The following SEPTIN7 variants were observed in gnomAD, a reference collection of about 807,000 sequenced individuals.
SEPTIN7 encodes the protein septin-7.
Under a neutral mutation model 63.3 loss-of-function variants are expected in SEPTIN7, and 10 were observed. The ratio of observed to expected loss-of-function variants is 0.16; its 90% CI spans 0.10 to 0.27. The LOEUF is 0.27. Ranked by LOEUF, SEPTIN7 falls within the 10% of genes least tolerant of loss-of-function variation. SEPTIN7 has a pLI of 1.00. For missense variants in SEPTIN7, 310 were observed against 521.0 expected (o/e 0.59, Z 3.94); for synonymous variants, 131 against 165.3 (o/e 0.79, Z 1.59).
chr7:35,887,030 C>G (rs184917524), intron 10 of SEPTIN7, among the ~76,000 whole-genome samples: 1 of 152,166 alleles, frequency 6.6e-6, no homozygotes, highest in East Asian at 1.9e-4. Flanking sequence ...AGCAAAAGCA[C>G]GAGAAGGTCA....
intron 1 of SEPTIN7, among the ~76,000 whole-genome samples, chr7:35,829,128 CT>C (rs71553032): frequency 0.017 from 1,068 of 61,038 alleles, 3 homozygotes; most frequent in African/African-American, 0.061. Context: ...CATGGACCTT[CT>C]TTTTTTTTTT....
At chr7:35,866,762 T>C (rs1459700019) in intron 4 of SEPTIN7, among the ~76,000 whole-genome samples, 1 of 152,152 alleles carries the variant, frequency 6.6e-6, no homozygotes, top group Non-Finnish European at 1.5e-5. Context: ...TAACCTCTTA[T>C]CTTGGACCTC....
At chr7:35,834,483 C>A (rs1783984839) in intron 3 of SEPTIN7, among the ~76,000 whole-genome samples, 2 of 151,716 alleles carry the variant, frequency 1.3e-5, no homozygotes, top group Non-Finnish European at 2.9e-5. Context: ...CTAATTAATC[C>A]CTTTGTGAAA....
intron 3 of SEPTIN7, among the ~76,000 whole-genome samples, chr7:35,833,881 A>G (rs1334857657): frequency 6.6e-6 from 1 of 152,042 alleles, no homozygotes; most frequent in African/African-American, 2.4e-5. Context: ...ACTGACTGCA[A>G]TATTTTACCT....
the SEPTIN7 span, among the ~76,000 whole-genome samples, chr7:35,912,854 C>A: frequency 5.3e-5 from 8 of 152,246 alleles, no homozygotes; most frequent in Non-Finnish European, 1.5e-5. Context: ...TGCAGAAATT[C>A]ATTGAATTGC....
intron 3 of SEPTIN7, among the ~76,000 whole-genome samples, chr7:35,834,419 T>A (rs1438381752): frequency 6.6e-6 from 1 of 152,050 alleles, no homozygotes; most frequent in Non-Finnish European, 1.5e-5. Flanking sequence ...TCATCTGATT[T>A]TGATTTTTAG....
chr7:35,910,090 T>C (rs1402927587), downstream of SEPTIN7, among the ~76,000 whole-genome samples: 1 of 152,204 alleles, frequency 6.6e-6, no homozygotes, highest in African/African-American at 2.4e-5. Flanking sequence ...TTGAGTGGCC[T>C]TGTGACATGG....
At chr7:35,890,070 C>T (rs1647607344) in intron 10 of SEPTIN7, among the ~76,000 whole-genome samples, 1 of 152,104 alleles carries the variant, frequency 6.6e-6, no homozygotes, top group African/African-American at 2.4e-5. Context: ...ATAATGATGA[C>T]ATCATCTCAT....
At chr7:35,911,372 T>C (rs1788736891), downstream of SEPTIN7, among the ~76,000 whole-genome samples, 1 of 152,230 alleles carries the variant, frequency 6.6e-6, no homozygotes, top group Admixed American at 6.5e-5. Context: ...GTATTTACCA[T>C]AACAAATCTG....
At chr7:35,827,022 A>G (rs1320063725) in intron 1 of SEPTIN7, among the ~76,000 whole-genome samples, 1 of 152,206 alleles carries the variant, frequency 6.6e-6, no homozygotes, top group Non-Finnish European at 1.5e-5. Context: ...GAACTAAGTT[A>G]CCGGATATTG....
At position 35,873,612 on chromosome 7, in the gene SEPTIN7, A is replaced by C. The variant is rs888951303; in HGVS notation, c.378-29A>C. The C allele has an allele frequency of 1.9e-6, 3 of 1,591,906 alleles. 1 individual carries two copies. The highest frequency in any genetic ancestry group is 2.6e-6 in the Non-Finnish European group (3 of 1,168,180). On this transcript the variant is annotated intron_variant, in intron 5 of 13. Coordinates refer to ENST00000350320, the MANE Select transcript of SEPTIN7 (RefSeq NM_001788.6). ...TCAGTTAATTCATATGTAGAATTGC[A>C]GCTTGTTTTGTTTATTTGCGTTCTA...
At chr7:35,899,724 A>C (rs1788194003) in intron 12 of SEPTIN7, 1 of 152,038 alleles carries the variant, frequency 6.6e-6, no homozygotes, top group Non-Finnish European at 1.5e-5. Context: ...CCCTATAAAA[A>C]ATTTTTAAAA....
chr7:35,849,485 T>G (rs1784850108), intron 3 of SEPTIN7, among the ~76,000 whole-genome samples: 1 of 152,158 alleles, frequency 6.6e-6, no homozygotes, highest in African/African-American at 2.4e-5. Context: ...GCAGTAGTGT[T>G]CACTACCACT....
intron 3 of SEPTIN7, among the ~76,000 whole-genome samples, chr7:35,848,629 A>G (rs1189892574): frequency 1.3e-5 from 2 of 152,164 alleles, no homozygotes; most frequent in East Asian, 1.9e-4. Flanking sequence ...GTCAATTTCA[A>G]CTGTTTTCAG....
chr7:35,843,764 A>G (rs966215938), intron 3 of SEPTIN7, among the ~76,000 whole-genome samples: 3 of 152,192 alleles, frequency 2.0e-5, no homozygotes, highest in South Asian at 4.1e-4. Context: ...ATGTCCCCCA[A>G]ATTTACTAAC....
At chr7:35,851,142 T>C (rs993780741) in intron 3 of SEPTIN7, among the ~76,000 whole-genome samples, 9 of 152,150 alleles carry the variant, frequency 5.9e-5, no homozygotes, top group Non-Finnish European at 1.3e-4. Flanking sequence ...AGTGATAGAA[T>C]ATGTGGCTTT....
At chr7:35,882,303 A>AT (rs1206934123) in intron 7 of SEPTIN7, among the ~76,000 whole-genome samples, 181 bp from the exon 8 acceptor site, 2 of 94,676 alleles carry the variant, frequency 2.1e-5, no homozygotes, top group Non-Finnish European at 4.9e-5. Context: ...CTTCATAGTT[A>AT]AAAAAAAAAA....
intron 1 of SEPTIN7, among the ~76,000 whole-genome samples, chr7:35,828,590 G>C (rs928371728): frequency 3.9e-5 from 6 of 152,142 alleles, no homozygotes; most frequent in Non-Finnish European, 1.5e-5. Flanking sequence ...TGTTGGCCAA[G>C]ATGTTCTCGA....
chr7:35,890,335 A>C (rs563888292), intron 10 of SEPTIN7, among the ~76,000 whole-genome samples: 1 of 152,138 alleles, frequency 6.6e-6, no homozygotes, highest in South Asian at 2.1e-4. Context: ...GTAGTGGCCA[A>C]TCTGCACTCT....
Sources: allele counts gnomAD v4.1 joint callset (sites outside exome capture counted in the v4.1 genomes callset), GRCh38; gene constraint gnomAD v4.1.1; transcripts MANE v1.5; gene names NCBI Gene and HGNC (gene_info 2026-07-23, HGNC 2026-07-21).